The following NELL1 variants were observed in gnomAD, a reference collection of about 807,000 sequenced individuals.
The protein encoded by NELL1 is neural EGFL like 1.
A neutral mutation model predicts 107.4 loss-of-function variants in NELL1; 76 were observed. That is an observed-to-expected ratio of 0.71 (90% CI 0.59 to 0.86). The LOEUF is 0.86. Ranked by LOEUF, NELL1 falls within the 40% of genes least tolerant of loss-of-function variation. The probability of loss-of-function intolerance (pLI) is 0.00; values close to 1 mark genes in which losing one functional copy is unlikely to be tolerated. For synonymous variants in NELL1, 353 were observed against 341.2 expected (o/e 1.03, Z -0.38); for missense variants, 1,024 against 1,005.5 (o/e 1.02, Z -0.25).
intron 15 of NELL1, among the ~76,000 whole-genome samples, chr11:21,506,743 C>T (rs1855289466): frequency 6.6e-6 from 1 of 152,202 alleles, no homozygotes; most frequent in Admixed American, 6.5e-5. Flanking sequence ...TCTAATGTGT[C>T]TGAGCATATG....
At chr11:21,033,312 T>G (rs1260989730) in intron 12 of NELL1, among the ~76,000 whole-genome samples, 1 of 152,174 alleles carries the variant, frequency 6.6e-6, no homozygotes, top group Non-Finnish European at 1.5e-5. Context: ...AACTTCTATT[T>G]TAAGTTTAGG....
intron 14 of NELL1, among the ~76,000 whole-genome samples, chr11:21,232,589 C>T (rs1590756515): frequency 6.6e-6 from 1 of 152,248 alleles, no homozygotes; most frequent in Admixed American, 6.5e-5. Context: ...CACCTTGTAA[C>T]TGAAACATTT....
At chr11:20,913,448 A>G (rs1451364663) in intron 5 of NELL1, among the ~76,000 whole-genome samples, 4 of 152,164 alleles carry the variant, frequency 2.6e-5, no homozygotes, top group Admixed American at 1.3e-4. Context: ...TATTCCATAC[A>G]CAAGAGGGAC....
At chr11:21,348,309 T>G (rs1850729591) in intron 14 of NELL1, among the ~76,000 whole-genome samples, 1 of 152,178 alleles carries the variant, frequency 6.6e-6, no homozygotes, top group African/African-American at 2.4e-5. Flanking sequence ...GAATTTGACA[T>G]CCTTTTAGTT....
At chr11:20,940,000 G>T (rs567356335) in intron 10 of NELL1, among the ~76,000 whole-genome samples, 17 of 152,204 alleles carry the variant, frequency 1.1e-4, no homozygotes, top group African/African-American at 3.6e-4. Context: ...ACTTGGGTTC[G>T]CACATGCAAT....
At chr11:20,728,013 T>A (rs1450001652) in intron 2 of NELL1, among the ~76,000 whole-genome samples, 1 of 152,242 alleles carries the variant, frequency 6.6e-6, no homozygotes, top group Non-Finnish European at 1.5e-5. Context: ...TGGTATGAGA[T>A]GCTATTTTAT....
chr11:21,331,248 C>A (rs892540987), intron 14 of NELL1, among the ~76,000 whole-genome samples: 2 of 151,754 alleles, frequency 1.3e-5, no homozygotes, highest in African/African-American at 4.8e-5. Context: ...TTTTATTTTT[C>A]TGTGCATGAG....
chr11:21,307,047 A>G (rs1253467292), intron 14 of NELL1, among the ~76,000 whole-genome samples: 1 of 151,940 alleles, frequency 6.6e-6, no homozygotes, highest in Non-Finnish European at 1.5e-5. Flanking sequence ...TTTCCTATTC[A>G]TTTAAGTAAT....
intron 2 of NELL1, among the ~76,000 whole-genome samples, chr11:20,712,424 A>T (rs1855136241): frequency 6.6e-6 from 1 of 152,058 alleles, no homozygotes. Flanking sequence ...TAGCTTAATA[A>T]TCAACCTTCT....
intron 13 of NELL1, among the ~76,000 whole-genome samples, chr11:21,120,822 T>G (rs1855350424): frequency 6.6e-6 from 1 of 152,120 alleles, no homozygotes; most frequent in African/African-American, 2.4e-5. Flanking sequence ...ACCTAGAAGG[T>G]CTGATGATAG....
intron 12 of NELL1, among the ~76,000 whole-genome samples, chr11:20,998,030 T>C (rs1193357602): frequency 6.6e-6 from 1 of 152,188 alleles, no homozygotes; most frequent in Non-Finnish European, 1.5e-5. Flanking sequence ...TTTGTACCTA[T>C]GGACAAGCCC....
At chr11:21,345,475 G>C (rs187922674) in intron 14 of NELL1, among the ~76,000 whole-genome samples, 1 of 152,154 alleles carries the variant, frequency 6.6e-6, no homozygotes, top group Non-Finnish European at 1.5e-5. Flanking sequence ...TGACAGAGCA[G>C]GGGCCATTCT....
intron 15 of NELL1, among the ~76,000 whole-genome samples, chr11:21,415,396 T>C (rs1343292962): frequency 1.3e-5 from 2 of 152,048 alleles, no homozygotes; most frequent in Non-Finnish European, 2.9e-5. Context: ...CTTAAAAGGA[T>C]TGAATTTCTC....
At chr11:20,689,183 T>C (rs1854386714) in intron 2 of NELL1, among the ~76,000 whole-genome samples, 1 of 152,094 alleles carries the variant, frequency 6.6e-6, no homozygotes, top group African/African-American at 2.4e-5. Flanking sequence ...TAGACCTTTG[T>C]TGGATGCATA....
intron 14 of NELL1, among the ~76,000 whole-genome samples, chr11:21,321,725 A>G (rs755979471): frequency 2.0e-5 from 3 of 152,188 alleles, no homozygotes; most frequent in Non-Finnish European, 4.4e-5. Context: ...CACACAGCTG[A>G]TAAGTGGCAG....
intron 3 of NELL1, among the ~76,000 whole-genome samples, chr11:20,832,609 T>C (rs1264899233): frequency 6.6e-6 from 1 of 152,202 alleles, no homozygotes; most frequent in Admixed American, 6.5e-5. Flanking sequence ...ATCTCACAGA[T>C]GATGGTGATA....
chr11:21,206,798 A>C lies in NELL1; in HGVS notation c.1427-22534A>C, dbSNP rs375343381. 1.3e-5 allele frequency among the ~76,000 whole-genome samples: 2 copies of C among 152,300 alleles called. 1 individual carries two copies. On this transcript the variant is annotated intron_variant, in intron 13 of 19. Transcript: ENST00000357134. ...AACATGTTCATACTGAGACTCCCTG[A>C]AGGAGAGGGCAAACTTCTGTGATAA...
At position 20,960,475 on chromosome 11, in the gene NELL1, A is replaced by G. The variant is rs763915665; in HGVS notation, c.1215A>G (p.Ser405=). The stretch of plus-strand genomic sequence containing the variant: ...AAGGACCTAAATGTGGTGAAAACTC[A>G]GAGTGCAAAAACTGGAATACAAAAG... The part of the protein sequence containing the change: ...CAEGPKCGEN[S]ECKNWNTKAT... Residue 405 remains serine, a synonymous_variant, in exon 12 of 20, where the codon TCA becomes TCG. Transcript: ENST00000357134. The G allele has an allele frequency of 3.7e-6, 6 of 1,613,898 alleles. No individual in the cohort carries two copies. In the African/African-American group the frequency reaches 6.7e-5, roughly 18 times the overall value.
At chr11:20,972,916 A>G (rs1477676388) in intron 12 of NELL1, among the ~76,000 whole-genome samples, 1 of 152,150 alleles carries the variant, frequency 6.6e-6, no homozygotes, top group African/African-American at 2.4e-5. Flanking sequence ...GGTGAAACCC[A>G]TAGGATCCAT....
Sources: allele counts gnomAD v4.1 joint callset (sites outside exome capture counted in the v4.1 genomes callset), GRCh38; gene constraint gnomAD v4.1.1; transcripts MANE v1.5; gene names NCBI Gene and HGNC (gene_info 2026-07-23, HGNC 2026-07-21).